Variants in NCOA1 observed in about 807,000 individuals in gnomAD.
NCOA1 encodes the protein nuclear receptor coactivator 1.
NCOA1 carries 35 observed loss-of-function variants against 150.9 expected under a neutral mutation model. The ratio of observed to expected loss-of-function variants is 0.23; its 90% confidence interval spans 0.18 to 0.31. The LOEUF (loss-of-function observed/expected upper bound fraction) is 0.31. Among genes scored for constraint, NCOA1 ranks in the 10% least tolerant of loss-of-function variants. The pLI, the probability that NCOA1 is intolerant of heterozygous loss-of-function variation, is 1.00. For missense variants in NCOA1, 1,491 were observed against 1,749.3 expected, an observed-to-expected ratio of 0.85 and a Z score of 2.63; for synonymous variants, 590 against 630.0, an observed-to-expected ratio of 0.94 and a Z score of 0.95.
chr2:24,530,070 A>G (rs1239233891), intron 1 of NCOA1, among the ~76,000 whole-genome samples: 2 of 152,232 alleles, frequency 1.3e-5, no homozygotes, highest in African/African-American at 4.8e-5. Flanking sequence ...GCATCCAAAG[A>G]GTTGCAACCA....
At chr2:24,574,401 GC>G (rs1225476836) in intron 2 of NCOA1, among the ~76,000 whole-genome samples, 1 of 151,984 alleles carries the variant, frequency 6.6e-6, no homozygotes, top group Non-Finnish European at 1.5e-5. Context: ...ATGGAAATAT[GC>G]CCAATTAATA....
intron 18 of NCOA1, among the ~76,000 whole-genome samples, chr2:24,739,772 CA>C (rs1456667660): frequency 6.6e-6 from 1 of 150,718 alleles, no homozygotes; most frequent in Non-Finnish European, 1.5e-5. Context: ...TATTGGATAC[CA>C]GATGACTAAG....
rs142754732 is a variant in NCOA1 at position 24,687,685 on chromosome 2, C to T, written c.533-3796C>T. Among the ~76,000 whole-genome samples the T allele has an allele frequency of 1.9e-3, 283 of 152,204 alleles. 1 individual carries two copies. Among genetic ancestry groups the T allele is most frequent in the African/African-American group, 6.5e-3 (270 of 41,508 alleles). ...CCAGACGCTTATAAAACCATCAGAT[C>T]TCTTGAGAACTCACCATCACGAGAA... On this transcript the variant is annotated intron_variant, in intron 8 of 22. Transcript: ENST00000348332.
At position 24,729,520 on chromosome 2, in the gene NCOA1, T is replaced by C. The variant is rs376468224; in HGVS notation, c.2906T>C (p.Leu969Ser). The C allele has an allele frequency of 1.2e-6, 2 of 1,614,026 alleles. No individual in the cohort carries two copies. Among genetic ancestry groups the C allele is most frequent in the African/African-American group, 2.7e-5 (2 of 75,050 alleles). The change falls in exon 17 of 23, where the codon TTA (leucine) becomes TCA (serine). Residue 969 changes from leucine to serine, a missense_variant. Physicochemically the swap from Leu to Ser is moderately radical, Grantham distance 145 (BLOSUM62 -2). Around this residue, in one of 8 missense-constraint regions of NCOA1, gnomAD observed 485 missense variants for 522.8 expected, o/e 0.93. Coordinates refer to ENST00000348332, the MANE Select transcript of NCOA1 (RefSeq NM_003743.5). Reference sequence around the variant, plus strand: ...TAACAGGGGGGTGGATTAGATGTATTATCAGAGAGATTTCCACCACAACAA... The same window carrying C: ...TAACAGGGGGGTGGATTAGATGTATCATCAGAGAGATTTCCACCACAACAA... The part of the protein sequence containing the change: ...KLVQGGGLDV[L>S]SERFPPQQAT...
intron 6 of NCOA1, among the ~76,000 whole-genome samples, chr2:24,667,396 T>A (rs1157597552): frequency 1.3e-5 from 2 of 152,144 alleles, no homozygotes; most frequent in African/African-American, 4.8e-5. Flanking sequence ...CCCCCACTCC[T>A]CACCTAACTG....
At chr2:24,568,098 T>G (rs1666588212) in intron 2 of NCOA1, among the ~76,000 whole-genome samples, 1 of 152,142 alleles carries the variant, frequency 6.6e-6, no homozygotes, top group South Asian at 2.1e-4. Flanking sequence ...CAGAGTGATA[T>G]CCCCTATTCA....
chr2:24,681,471 A>G (rs572660037), intron 7 of NCOA1, among the ~76,000 whole-genome samples: 5 of 144,854 alleles, frequency 3.5e-5, no homozygotes, highest in Non-Finnish European at 4.4e-5. Flanking sequence ...CATTTTCAGT[A>G]TCACGTCATT....
intron 3 of NCOA1, among the ~76,000 whole-genome samples, chr2:24,584,891 A>T (rs1667336979): frequency 6.6e-6 from 1 of 152,184 alleles, no homozygotes; most frequent in African/African-American, 2.4e-5. Flanking sequence ...TAAATATTAC[A>T]ACTCTATGAA....
intron 17 of NCOA1, among the ~76,000 whole-genome samples, chr2:24,737,576 C>G (rs1257406626): frequency 6.6e-6 from 1 of 152,024 alleles, no homozygotes; most frequent in Non-Finnish European, 1.5e-5. Flanking sequence ...TGTTTTTTTA[C>G]TTGCTGTTCC....
intron 3 of NCOA1, among the ~76,000 whole-genome samples, chr2:24,638,530 G>A (rs1670043920): frequency 6.6e-6 from 1 of 152,060 alleles, no homozygotes. Context: ...TATGGTAGTT[G>A]TATTTGTAGT....
chr2:24,523,344 C>T (rs897619926), intron 1 of NCOA1, among the ~76,000 whole-genome samples: 4 of 152,018 alleles, frequency 2.6e-5, no homozygotes, highest in Admixed American at 1.3e-4. Flanking sequence ...CAGTGGCTCA[C>T]GCCTGTAATC....
At chr2:24,710,346 C>T (rs1673685998) in intron 13 of NCOA1, among the ~76,000 whole-genome samples, 1 of 152,142 alleles carries the variant, frequency 6.6e-6, no homozygotes, top group African/African-American at 2.4e-5. Context: ...CCCGCCTCAG[C>T]CTCCCAAAGT....
intron 1 of NCOA1, among the ~76,000 whole-genome samples, chr2:24,552,933 GA>G (rs1004697547): frequency 2.4e-4 from 37 of 151,962 alleles, no homozygotes; most frequent in African/African-American, 8.0e-4. Context: ...GTCATTTGTG[GA>G]AAAAAACAGT....
At chr2:24,698,718 C>T (rs764287232) in intron 11 of NCOA1, among the ~76,000 whole-genome samples, 6 of 152,018 alleles carry the variant, frequency 3.9e-5, no homozygotes, top group African/African-American at 1.2e-4. Flanking sequence ...ATGGCTTTTC[C>T]TGAAAAACAA....
intron 9 of NCOA1, 147 bp from the exon 10 acceptor site, chr2:24,693,105 C>G: frequency 1.5e-6 from 1 of 686,000 alleles, no homozygotes; most frequent in Non-Finnish European, 2.6e-6. Context: ...CCACCCACCT[C>G]GGCCTCCCAA....
chr2:24,653,571 C>G (rs1670798177), intron 4 of NCOA1, among the ~76,000 whole-genome samples: 1 of 152,058 alleles, frequency 6.6e-6, no homozygotes, highest in Admixed American at 6.6e-5. Context: ...TTTAGTTTCT[C>G]TATCCTTTAG....
chr2:24,599,590 G>A (rs1419336923), intron 3 of NCOA1, among the ~76,000 whole-genome samples: 1 of 152,120 alleles, frequency 6.6e-6, no homozygotes, highest in African/African-American at 2.4e-5. Flanking sequence ...GACAAATAGG[G>A]AAGCAGGAAG....
chr2:24,747,533 T>C (rs1663996052), intron 19 of NCOA1, among the ~76,000 whole-genome samples: 1 of 151,848 alleles, frequency 6.6e-6, no homozygotes, highest in South Asian at 2.1e-4. Context: ...CTCACTACAT[T>C]GTCCAGGCTG....
intron 21 of NCOA1, among the ~76,000 whole-genome samples, chr2:24,760,420 G>C (rs973850161): frequency 6.7e-6 from 1 of 149,790 alleles, no homozygotes; most frequent in African/African-American, 2.5e-5. Flanking sequence ...GCCTCCCAAA[G>C]TGCTGGGATT....
Sources: gnomAD v4.1 joint callset for allele counts (sites outside exome capture counted in the v4.1 genomes callset) on GRCh38, gnomAD v4.1.1 for gene constraint, gnomAD v4.1.1 regional missense constraint, MANE v1.5 for transcripts, NCBI Gene and HGNC (gene_info 2026-07-23, HGNC 2026-07-21) for gene names.